NECTIN3: variants seen among roughly 807,000 people sequenced by gnomAD.
NECTIN3 encodes nectin cell adhesion molecule 3.
Under a neutral mutation model 49.4 loss-of-function variants are expected in NECTIN3, and 8 were observed. The ratio of observed to expected loss-of-function variants is 0.16; its 90% confidence interval spans 0.10 to 0.29. NECTIN3 has a LOEUF of 0.29. Among genes scored for constraint, NECTIN3 ranks in the 10% least tolerant of loss-of-function variants. The pLI is 1.00. For missense variants in NECTIN3, 581 were observed against 654.6 expected (o/e 0.89, Z 1.23); for synonymous variants, 277 against 241.1 (o/e 1.15, Z -1.38).
Position 111,150,668 on chromosome 3 carries a change from A to G in NECTIN3, c.1221+3184A>G, listed in dbSNP as rs192711414. Among the ~76,000 whole-genome samples, 12 of 152,004 alleles carry G rather than the reference A, an allele frequency of 7.9e-5. No individual in the cohort carries two copies. The East Asian group carries it at 2.3e-3, about 29-fold the overall frequency. On this transcript the variant is annotated intron_variant, in intron 7 of 8. Transcript: ENST00000493615. ...GTATTTTTCTAATTATCTGAAGACT[A>G]TTCAAATAGTCTCCCTTTTCCAACT...
intron 7 of NECTIN3, among the ~76,000 whole-genome samples, chr3:111,183,648 GT>G (rs913685134): frequency 2.7e-5 from 4 of 148,682 alleles, no homozygotes; most frequent in Non-Finnish European, 4.5e-5. Context: ...TAGAATTCTA[GT>G]TTTTTTTTTC....
chr3:111,084,656 AG>A (rs1207799557), intron 1 of NECTIN3, among the ~76,000 whole-genome samples: 1 of 152,200 alleles, frequency 6.6e-6, no homozygotes, highest in Non-Finnish European at 1.5e-5. Context: ...TGAGGCCTAA[AG>A]TAGGGTTGTA....
intron 4 of NECTIN3, among the ~76,000 whole-genome samples, chr3:111,124,827 A>G (rs1231748253): frequency 6.6e-6 from 1 of 152,142 alleles, no homozygotes; most frequent in East Asian, 1.9e-4. Flanking sequence ...CTATGTACTT[A>G]CATAATTGAA....
chr3:111,116,025 G>A (rs771277014), intron 2 of NECTIN3, among the ~76,000 whole-genome samples: 17 of 152,268 alleles, frequency 1.1e-4, no homozygotes, highest in Middle Eastern at 3.4e-3. Context: ...AAATAACCAG[G>A]TGTAGGTAGT....
At chr3:111,150,461 A>G (rs2034976750) in intron 7 of NECTIN3, among the ~76,000 whole-genome samples, 1 of 151,964 alleles carries the variant, frequency 6.6e-6, no homozygotes, top group Non-Finnish European at 1.5e-5. Flanking sequence ...TTATATATAC[A>G]CAAATATGTA....
chr3:111,141,506 AAGT>A (rs1401625447), downstream of NECTIN3, among the ~76,000 whole-genome samples: 1 of 151,978 alleles, frequency 6.6e-6, no homozygotes, highest in African/African-American at 2.4e-5. Flanking sequence ...TTTTTCCAAA[AAGT>A]AATGAAAGTC....
At chr3:111,114,009 A>G (rs527379279) in intron 2 of NECTIN3, among the ~76,000 whole-genome samples, 1 of 151,994 alleles carries the variant, frequency 6.6e-6, no homozygotes, top group Non-Finnish European at 1.5e-5. Context: ...TAAATAAATA[A>G]CAAGTACTTT....
intron 7 of NECTIN3, among the ~76,000 whole-genome samples, chr3:111,176,349 T>C (rs972022907): frequency 6.6e-6 from 1 of 152,212 alleles, no homozygotes; most frequent in African/African-American, 2.4e-5. Context: ...TTAAAGTCAC[T>C]GGTGCTGTGA....
chr3:111,145,126 T>A, intron 6 of NECTIN3: 1 of 1,371,376 alleles, frequency 7.3e-7, no homozygotes. Context: ...ATAAAGAACT[T>A]AAGGGATAGA....
intron 4 of NECTIN3, among the ~76,000 whole-genome samples, chr3:111,125,670 A>G (rs1559794944): frequency 6.6e-6 from 1 of 152,166 alleles, no homozygotes; most frequent in South Asian, 2.1e-4. Context: ...TTTAGAAACT[A>G]TCTTTGGATA....
chr3:111,082,702 A>C (rs921371986), intron 1 of NECTIN3, among the ~76,000 whole-genome samples: 50 of 152,138 alleles, frequency 3.3e-4, no homozygotes, highest in African/African-American at 1.0e-3. Context: ...GGGGCAGTGA[A>C]TGGTTTTGGG....
In NECTIN3 at chr3:111,071,965, G is replaced by T. The variant is rs1231616999; in HGVS notation, c.-53G>T. ...CTCCGCCCAGAGCCTGAGGCGCCGG[G>T]GCCGGGGGAGCCGGGGGGCGGGCGG... On this transcript the variant is annotated 5_prime_UTR_variant, in exon 1 of 6. Coordinates refer to ENST00000485303, the MANE Select transcript of NECTIN3 (RefSeq NM_015480.3). The T allele has an allele frequency of 1.3e-5, 17 of 1,321,740 alleles. No homozygotes were observed. The highest frequency in any genetic ancestry group is 1.3e-5 in the Non-Finnish European group (13 of 1,014,706). 81.9% of individuals were successfully genotyped at this position (1,321,740 alleles called of 1,614,324 possible). A position where few individuals can be genotyped will look rare whatever the true frequency, so the allele number is the denominator to read the frequency against.
intron 7 of NECTIN3, among the ~76,000 whole-genome samples, chr3:111,151,092 G>A (rs1173270605): frequency 6.6e-6 from 1 of 151,698 alleles, no homozygotes; most frequent in Non-Finnish European, 1.5e-5. Context: ...TATTCTTAGT[G>A]CATAACACAG....
intron 7 of NECTIN3, among the ~76,000 whole-genome samples, chr3:111,162,370 C>A (rs1427659368): frequency 6.6e-6 from 1 of 152,016 alleles, no homozygotes; most frequent in Non-Finnish European, 1.5e-5. Context: ...GCAGGTTTCC[C>A]CATGCTGCTG....
Position 111,072,130 on chromosome 3 carries a change from C to CGCT in NECTIN3, c.126_128dup (p.Leu43dup), listed in dbSNP as rs749811256. On this transcript the variant is annotated inframe_insertion, in exon 1 of 6. Coordinates refer to ENST00000485303, the MANE Select transcript of NECTIN3 (RefSeq NM_015480.3). ...CTGCTGCAGCCCCCGACGCCACCTC[C>CGCT]GCTGCTGCTGCTGCTCTTCCCGCTG... 9.0e-6 allele frequency: 14 copies of CGCT among 1,549,928 alleles called. No individual in the cohort carries two copies. Among genetic ancestry groups the CGCT allele is most frequent in the African/African-American group, 1.4e-5 (1 of 72,946 alleles).
At chr3:111,072,368 C>T in intron 1 of NECTIN3, 191 bp downstream of exon 1, 1 of 1,482,984 alleles carries the variant, frequency 6.7e-7, no homozygotes, top group African/African-American at 1.4e-5. Flanking sequence ...CCAGCGAATG[C>T]TGAGCCGGCG....
At chr3:111,166,737 C>T (rs960886708) in intron 7 of NECTIN3, among the ~76,000 whole-genome samples, 4 of 152,144 alleles carry the variant, frequency 2.6e-5, no homozygotes, top group African/African-American at 7.2e-5. Context: ...AAATGATATT[C>T]GCTTGACAGT....
intron 2 of NECTIN3, among the ~76,000 whole-genome samples, chr3:111,113,014 G>A (rs144215288): frequency 6.6e-6 from 1 of 152,276 alleles, no homozygotes; most frequent in Admixed American, 6.5e-5. Context: ...AGGAGCAATA[G>A]CAACTGGTGG....
At chr3:111,191,819 ATGT>A (rs1398052364), upstream of NECTIN3, among the ~76,000 whole-genome samples, 1 of 152,074 alleles carries the variant, frequency 6.6e-6, no homozygotes, top group Admixed American at 6.6e-5. Context: ...TCTGCAGCAG[ATGT>A]TGTCTATATT....
Sources: gnomAD v4.1 joint callset for allele counts (sites outside exome capture counted in the v4.1 genomes callset) on GRCh38, gnomAD v4.1.1 for gene constraint, MANE v1.5 for transcripts, NCBI Gene and HGNC (gene_info 2026-07-23, HGNC 2026-07-21) for gene names.